The following ABTB3 variants were observed in gnomAD, a reference collection of about 807,000 sequenced individuals.
ABTB3 encodes the protein ankyrin repeat- and BTB/POZ domain-containing protein 3.
At chr12:107,572,890 C>CA in the ABTB3 span, among the ~76,000 whole-genome samples, 1 of 152,330 alleles carries the variant, frequency 6.6e-6, no homozygotes, top group South Asian at 2.1e-4. Context: ...TTGCAGCCCT[C>CA]AGCCCTCTAA....
chr12:107,322,174 G>A, the ABTB3 span, among the ~76,000 whole-genome samples: 46 of 152,116 alleles, frequency 3.0e-4, no homozygotes, highest in African/African-American at 1.1e-3. Flanking sequence ...CCTTTTTGGA[G>A]GAAGTATAAT....
the ABTB3 span, chr12:107,580,966 C>T: frequency 6.4e-7 from 1 of 1,551,662 alleles, no homozygotes; most frequent in East Asian, 2.4e-5. Context: ...CGGTGCGGTC[C>T]GGATGTCTCC....
chr12:107,655,288 C>A, the ABTB3 span, among the ~76,000 whole-genome samples: 1 of 150,454 alleles, frequency 6.6e-6, no homozygotes, highest in Non-Finnish European at 1.5e-5. Flanking sequence ...CCTACAAACA[C>A]CCCTTTGCAG....
At chr12:107,410,181 C>G in the ABTB3 span, among the ~76,000 whole-genome samples, 4 of 149,350 alleles carry the variant, frequency 2.7e-5, no homozygotes, top group South Asian at 8.4e-4. Context: ...CAGACATGCC[C>G]AGCACGCAAA....
At chr12:107,592,632 G>T in the ABTB3 span, among the ~76,000 whole-genome samples, 21 of 152,272 alleles carry the variant, frequency 1.4e-4, no homozygotes, top group Middle Eastern at 6.8e-3. Context: ...GTTGAAGAAG[G>T]ATTTATGCAA....
the ABTB3 span, among the ~76,000 whole-genome samples, chr12:107,641,450 A>C: frequency 1.3e-5 from 2 of 152,252 alleles, no homozygotes; most frequent in Admixed American, 6.5e-5. Flanking sequence ...AGTTTAAAAA[A>C]ACAGACACAT....
the ABTB3 span, among the ~76,000 whole-genome samples, chr12:107,643,149 A>T: frequency 6.6e-6 from 1 of 152,084 alleles, no homozygotes; most frequent in Non-Finnish European, 1.5e-5. Flanking sequence ...TAATCCCAGC[A>T]CTTTGGGAGG....
the ABTB3 span, among the ~76,000 whole-genome samples, chr12:107,597,863 G>A: frequency 6.6e-6 from 1 of 152,180 alleles, no homozygotes; most frequent in East Asian, 1.9e-4. Context: ...GCAAGCTATG[G>A]CCCCTGGGTC....
the ABTB3 span, among the ~76,000 whole-genome samples, chr12:107,532,499 C>T: frequency 2.6e-5 from 4 of 152,332 alleles, no homozygotes; most frequent in South Asian, 2.1e-4. Context: ...AGCCAAAGAA[C>T]CCTACCCGAC....
At chr12:107,520,639 A>AAGTAG in the ABTB3 span, 2 of 1,614,024 alleles carry the variant, frequency 1.2e-6, no homozygotes, top group Non-Finnish European at 1.7e-6. Flanking sequence ...CGAATTGAGT[A>AAGTAG]AGTAGATGTT....
chr12:107,437,832 C>G, the ABTB3 span, among the ~76,000 whole-genome samples: 295 of 152,246 alleles, frequency 1.9e-3, 2 homozygotes, highest in African/African-American at 6.7e-3. Flanking sequence ...AGAATAAGGT[C>G]ACATTCACAC....
the ABTB3 span, among the ~76,000 whole-genome samples, chr12:107,477,138 G>T: frequency 6.6e-6 from 1 of 152,062 alleles, no homozygotes; most frequent in Non-Finnish European, 1.5e-5. Flanking sequence ...TCAAGGCATT[G>T]GTGCGCATGC....
the ABTB3 span, among the ~76,000 whole-genome samples, chr12:107,486,916 T>A: frequency 6.6e-6 from 1 of 152,122 alleles, no homozygotes; most frequent in Non-Finnish European, 1.5e-5. Context: ...ATAACTTTCT[T>A]ACAGTCACAC....
chr12:107,433,644 C>A, the ABTB3 span, among the ~76,000 whole-genome samples: 7 of 152,158 alleles, frequency 4.6e-5, no homozygotes, highest in African/African-American at 1.7e-4. Context: ...TGGTTTTGCC[C>A]CAGAAGCAGA....
At chr12:107,485,451 T>C in the ABTB3 span, among the ~76,000 whole-genome samples, 1 of 152,302 alleles carries the variant, frequency 6.6e-6, no homozygotes, top group East Asian at 1.9e-4. Context: ...CTTTAATTCC[T>C]TCTTCTTCTG....
the ABTB3 span, among the ~76,000 whole-genome samples, chr12:107,446,217 G>T: frequency 6.6e-6 from 1 of 152,134 alleles, no homozygotes; most frequent in Non-Finnish European, 1.5e-5. Flanking sequence ...GAGCCTTCCA[G>T]ATCTCCTAGA....
At chr12:107,534,602 A>C in the ABTB3 span, among the ~76,000 whole-genome samples, 1 of 152,220 alleles carries the variant, frequency 6.6e-6, no homozygotes, top group Non-Finnish European at 1.5e-5. Flanking sequence ...GGGACAAAAA[A>C]GGAGGCATTA....
the ABTB3 span, among the ~76,000 whole-genome samples, chr12:107,342,989 G>T: frequency 6.6e-6 from 1 of 151,972 alleles, no homozygotes; most frequent in African/African-American, 2.4e-5. Context: ...TCTAGGGCAG[G>T]GTTTGAATCT....
the ABTB3 span, among the ~76,000 whole-genome samples, chr12:107,426,199 C>A: frequency 2.6e-5 from 4 of 152,322 alleles, no homozygotes; most frequent in East Asian, 7.7e-4. Context: ...CTTTTTGGAG[C>A]AGTTTAGAAT....
Sources: allele counts gnomAD v4.1 joint callset (sites outside exome capture counted in the v4.1 genomes callset), GRCh38; gene constraint gnomAD v4.1.1; transcripts MANE v1.5; gene names NCBI Gene and HGNC (gene_info 2026-07-23, HGNC 2026-07-21).